The following ZFHX3 variants were observed in gnomAD, a reference collection of about 807,000 sequenced individuals.
ZFHX3 encodes the protein zinc finger homeobox 3.
A neutral mutation model predicts 279.1 loss-of-function variants in ZFHX3; 42 were observed. The observed-to-expected ratio is 0.15, with a 90% CI of 0.12 to 0.19. The LOEUF (loss-of-function observed/expected upper bound fraction) is 0.19. ZFHX3 is among the 10% of genes least tolerant of loss of function. The probability of loss-of-function intolerance (pLI) is 1.00; values close to 1 mark genes in which losing one functional copy is unlikely to be tolerated. For missense variants in ZFHX3, 4,981 were observed against 4,754.0 expected (o/e 1.05, Z -1.40); for synonymous variants, 2,293 against 1,957.8 (o/e 1.17, Z -4.52).
intron 4 of ZFHX3, among the ~76,000 whole-genome samples, chr16:73,271,559 C>G (rs1268514626): frequency 2.0e-5 from 3 of 152,162 alleles, no homozygotes; most frequent in Non-Finnish European, 1.5e-5. Flanking sequence ...AGCTTTGTGC[C>G]CCTGGACATG....
At chr16:73,498,910 A>G (rs986549648) in intron 2 of ZFHX3, among the ~76,000 whole-genome samples, 1 of 152,006 alleles carries the variant, frequency 6.6e-6, no homozygotes, top group African/African-American at 2.4e-5. Context: ...GATGTGGGAG[A>G]TGGACTTGGA....
chr16:73,850,723 G>A lies in ZFHX3; in HGVS notation c.-1608+40928C>T, dbSNP rs16972689. Among the ~76,000 whole-genome samples the A allele has an allele frequency of 9.0e-3, 1,243 of 138,352 alleles. 16 individuals carry two copies. The highest frequency in any genetic ancestry group is 0.03 in the African/African-American group (1,162 of 38,348). The allele number at this position is 138,352 out of a possible 152,430, so 90.8% of individuals were successfully genotyped here. Reference sequence around the variant, plus strand: ...TTATGTCTACTGGACACCCAGGGCCGTGGCTTGAGAGATCTAACTCCCAGC... The same window carrying A: ...TTATGTCTACTGGACACCCAGGGCCATGGCTTGAGAGATCTAACTCCCAGC... On this transcript the variant is annotated intron_variant, in intron 1 of 17. Coordinates refer to the ZFHX3 transcript ENST00000641206.
chr16:73,346,535 G>A (rs1264850188), intron 3 of ZFHX3, among the ~76,000 whole-genome samples: 3 of 152,070 alleles, frequency 2.0e-5, no homozygotes, highest in Non-Finnish European at 2.9e-5. Context: ...GCAGAGGTGC[G>A]ATCTCGGCTC....
intron 1 of ZFHX3, among the ~76,000 whole-genome samples, chr16:73,028,847 G>T (rs1964600920): frequency 6.6e-6 from 1 of 152,226 alleles, no homozygotes; most frequent in South Asian, 2.1e-4. Context: ...TTCCTCTGTT[G>T]TGAGCAGGGA....
intron 2 of ZFHX3, among the ~76,000 whole-genome samples, chr16:73,494,779 G>A (rs2019112147): frequency 6.6e-6 from 1 of 151,518 alleles, no homozygotes; most frequent in Non-Finnish European, 1.5e-5. Context: ...CGTTGATCAG[G>A]CTGGTCTCGA....
At chr16:73,341,890 A>C (rs182027216) in intron 3 of ZFHX3, among the ~76,000 whole-genome samples, 1 of 152,220 alleles carries the variant, frequency 6.6e-6, no homozygotes, top group Non-Finnish European at 1.5e-5. Context: ...TAAATAGCCA[A>C]ATCTATAGAC....
At chr16:73,597,239 T>G (rs1049948454) in intron 2 of ZFHX3, among the ~76,000 whole-genome samples, 1 of 152,208 alleles carries the variant, frequency 6.6e-6, no homozygotes, top group Non-Finnish European at 1.5e-5. Context: ...CCATGACGCC[T>G]TCCCTGATCT....
chr16:73,057,073 A>T (rs1352266311), intron 1 of ZFHX3, among the ~76,000 whole-genome samples: 1 of 152,230 alleles, frequency 6.6e-6, no homozygotes, highest in African/African-American at 2.4e-5. Context: ...GAGGCCAGAA[A>T]AAGGCAATCA....
At chr16:73,024,536 G>A (rs1427815903) in intron 1 of ZFHX3, among the ~76,000 whole-genome samples, 3 of 152,188 alleles carry the variant, frequency 2.0e-5, no homozygotes, top group Non-Finnish European at 4.4e-5. Context: ...GAGTTGCACT[G>A]AAAGGATCAG....
intron 2 of ZFHX3, among the ~76,000 whole-genome samples, chr16:73,658,278 A>G (rs1374749483): frequency 6.6e-6 from 1 of 152,186 alleles, no homozygotes; most frequent in African/African-American, 2.4e-5. Flanking sequence ...CCAGGCTAAA[A>G]TAAAAATCCT....
At chr16:73,542,021 C>T (rs1283395128) in intron 2 of ZFHX3, among the ~76,000 whole-genome samples, 3 of 151,816 alleles carry the variant, frequency 2.0e-5, no homozygotes, top group South Asian at 2.1e-4. Context: ...AGGATGGTCT[C>T]GATCTCTTGA....
intron 5 of ZFHX3, among the ~76,000 whole-genome samples, chr16:73,215,352 A>T (rs1394962986): frequency 6.6e-6 from 1 of 152,092 alleles, no homozygotes; most frequent in Non-Finnish European, 1.5e-5. Context: ...CCTTCCATGC[A>T]GGCCCATTAC....
At chr16:73,279,356 G>T (rs889246093) in intron 4 of ZFHX3, among the ~76,000 whole-genome samples, 2 of 152,034 alleles carry the variant, frequency 1.3e-5, no homozygotes, top group Non-Finnish European at 2.9e-5. Context: ...GGGGTCAGAA[G>T]TATACAGTGT....
At chr16:73,196,284 T>C (rs1317399686) in intron 5 of ZFHX3, among the ~76,000 whole-genome samples, 1 of 151,838 alleles carries the variant, frequency 6.6e-6, no homozygotes, top group Non-Finnish European at 1.5e-5. Context: ...AGCTTCCTCC[T>C]TGGGGTGGTG....
At chr16:72,858,032 T>G (rs752747748) in intron 4 of ZFHX3, among the ~76,000 whole-genome samples, 1 of 152,228 alleles carries the variant, frequency 6.6e-6, no homozygotes, top group Non-Finnish European at 1.5e-5. Context: ...CTAATCTCTG[T>G]GCTGGAAGTA....
At chr16:73,481,870 C>T (rs1345260327) in intron 2 of ZFHX3, among the ~76,000 whole-genome samples, 1 of 152,090 alleles carries the variant, frequency 6.6e-6, no homozygotes, top group Non-Finnish European at 1.5e-5. Flanking sequence ...CTGCCCAGCC[C>T]AGAAATGCAC....
At chr16:73,220,433 A>T (rs1377202790) in intron 5 of ZFHX3, among the ~76,000 whole-genome samples, 1 of 152,034 alleles carries the variant, frequency 6.6e-6, no homozygotes, top group Non-Finnish European at 1.5e-5. Flanking sequence ...TAAACCAATT[A>T]AAAAAAAGGA....
chr16:73,017,687 G>C (rs1029372038), intron 1 of ZFHX3, among the ~76,000 whole-genome samples: 4 of 151,980 alleles, frequency 2.6e-5, no homozygotes, highest in Non-Finnish European at 5.9e-5. Flanking sequence ...TGCTAGCTTA[G>C]CACCCCACAG....
At chr16:72,799,666 A>T (rs1488323642) in intron 8 of ZFHX3, among the ~76,000 whole-genome samples, 1 of 152,212 alleles carries the variant, frequency 6.6e-6, no homozygotes, top group Non-Finnish European at 1.5e-5. Context: ...AAATCAACCC[A>T]CAAGTCCCTA....
Sources: gnomAD v4.1 joint callset for allele counts (sites outside exome capture counted in the v4.1 genomes callset) on GRCh38, gnomAD v4.1.1 for gene constraint, MANE v1.5 for transcripts, NCBI Gene and HGNC (gene_info 2026-07-23, HGNC 2026-07-21) for gene names.